The following PPP6R3 variants were observed in gnomAD, a reference collection of about 807,000 sequenced individuals.
PPP6R3 encodes the protein serine/threonine-protein phosphatase 6 regulatory subunit 3.
Under a neutral mutation model 110.7 loss-of-function variants are expected in PPP6R3, and 38 were observed. The observed-to-expected ratio is 0.34, with a 90% CI of 0.26 to 0.45. The LOEUF (loss-of-function observed/expected upper bound fraction) is 0.45, where lower values mean the gene tolerates loss of function less well. Among genes scored for constraint, PPP6R3 ranks in the 20% least tolerant of loss-of-function variants. The pLI is 1.00. For synonymous variants in PPP6R3, 369 were observed against 373.5 expected (o/e 0.99, Z 0.14); for missense variants, 870 against 1,062.4 (o/e 0.82, Z 2.52).
At chr11:68,570,493 T>C (rs947216753) in intron 11 of PPP6R3, among the ~76,000 whole-genome samples, 1 of 152,180 alleles carries the variant, frequency 6.6e-6, no homozygotes, top group African/African-American at 2.4e-5. Context: ...GAAAGACAAA[T>C]GACACCTGAG....
intron 1 of PPP6R3, among the ~76,000 whole-genome samples, chr11:68,463,873 AC>A (rs1272195407): frequency 6.6e-6 from 1 of 152,014 alleles, no homozygotes; most frequent in African/African-American, 2.4e-5. Context: ...TGCTTGTTAC[AC>A]CTCTGGGAGT....
intron 6 of PPP6R3, 53 bp downstream of exon 6, chr11:68,551,239 T>C (rs1372939507): frequency 2.2e-6 from 3 of 1,355,288 alleles, no homozygotes; most frequent in Non-Finnish European, 3.1e-6. Flanking sequence ...AACAAAAAAC[T>C]GTTTATTGGG....
At chr11:68,557,440 G>C (rs897300244) in intron 7 of PPP6R3, among the ~76,000 whole-genome samples, 2 of 152,200 alleles carry the variant, frequency 1.3e-5, no homozygotes. Context: ...TGAGGTGTCA[G>C]GTGAGCAACC....
chr11:68,563,069 G>T (rs528391266), intron 8 of PPP6R3, among the ~76,000 whole-genome samples: 7 of 151,660 alleles, frequency 4.6e-5, no homozygotes, highest in Admixed American at 6.6e-5. Context: ...GGAGGCTGAG[G>T]GGGGAGGATC....
intron 1 of PPP6R3, among the ~76,000 whole-genome samples, chr11:68,479,175 G>A (rs926223118): frequency 4.6e-5 from 7 of 152,118 alleles, no homozygotes; most frequent in African/African-American, 1.7e-4. Flanking sequence ...GGGATATGGC[G>A]TACCATTAAT....
chr11:68,600,635 C>A, intron 20 of PPP6R3, 141 bp downstream of exon 20: 1 of 901,124 alleles, frequency 1.1e-6, no homozygotes, highest in Non-Finnish European at 1.6e-6. Context: ...CATCAGCATA[C>A]TAACACAGCT....
chr11:68,498,341 C>G (rs2099030237), intron 1 of PPP6R3, among the ~76,000 whole-genome samples: 1 of 152,186 alleles, frequency 6.6e-6, no homozygotes, highest in African/African-American at 2.4e-5. Context: ...CAAGGCCAGT[C>G]TTGTCCCACT....
At chr11:68,511,773 G>A (rs1208398220) in intron 1 of PPP6R3, among the ~76,000 whole-genome samples, 5 of 146,448 alleles carry the variant, frequency 3.4e-5, no homozygotes, top group African/African-American at 7.7e-5. Context: ...GAGCCACTGC[G>A]CCCAGCCGTG....
intron 13 of PPP6R3, 35 bp from the exon 14 acceptor site, chr11:68,575,923 G>A (rs1593424225): frequency 1.4e-6 from 2 of 1,473,770 alleles, no homozygotes; most frequent in Non-Finnish European, 1.9e-6. Flanking sequence ...AGGTCATTGT[G>A]GTGATAATGC....
intron 1 of PPP6R3, among the ~76,000 whole-genome samples, chr11:68,480,739 T>C (rs1410684359): frequency 6.6e-6 from 1 of 152,352 alleles, no homozygotes; most frequent in African/African-American, 2.4e-5. Flanking sequence ...GTGTTTTGAA[T>C]AAGCGTCAGC....
chr11:68,498,664 C>T (rs1439313946), intron 1 of PPP6R3, among the ~76,000 whole-genome samples: 3 of 152,274 alleles, frequency 2.0e-5, no homozygotes, highest in Middle Eastern at 3.4e-3. Flanking sequence ...TCATTGCATA[C>T]AGTTGATTAT....
At chr11:68,610,401 C>G (rs1435672906) in intron 23 of PPP6R3, among the ~76,000 whole-genome samples, 1 of 152,306 alleles carries the variant, frequency 6.6e-6, no homozygotes, top group East Asian at 1.9e-4. Context: ...ATCCAGCCGC[C>G]AGGCACGAGC....
intron 8 of PPP6R3, among the ~76,000 whole-genome samples, chr11:68,562,726 A>G (rs1040438770): frequency 6.6e-6 from 1 of 152,232 alleles, no homozygotes; most frequent in African/African-American, 2.4e-5. Flanking sequence ...TTGGACTTTG[A>G]TATATATTTT....
At chr11:68,481,628 A>G (rs1388720988) in intron 1 of PPP6R3, among the ~76,000 whole-genome samples, 1 of 152,220 alleles carries the variant, frequency 6.6e-6, no homozygotes, top group African/African-American at 2.4e-5. Context: ...GTTTGTATCT[A>G]TCTCTAGAAG....
chr11:68,563,001 C>A (rs944727811), intron 8 of PPP6R3, among the ~76,000 whole-genome samples: 1 of 151,648 alleles, frequency 6.6e-6, no homozygotes, highest in African/African-American at 2.4e-5. Flanking sequence ...AAAAGACTTA[C>A]ATCCAGGTAT....
chr11:68,510,075 T>TG (rs11438524), intron 1 of PPP6R3, among the ~76,000 whole-genome samples: 3 of 141,660 alleles, frequency 2.1e-5, no homozygotes, highest in African/African-American at 5.3e-5. Context: ...TTTTTTTTTT[T>TG]GATAAGTTTT....
At chr11:68,608,777 C>T (rs1941781324) in intron 22 of PPP6R3, among the ~76,000 whole-genome samples, 1 of 152,112 alleles carries the variant, frequency 6.6e-6, no homozygotes, top group African/African-American at 2.4e-5. Flanking sequence ...TGAATCCATC[C>T]CAGTTAGCGA....
At chr11:68,589,970 AC>A (rs1475636343) in intron 16 of PPP6R3, among the ~76,000 whole-genome samples, 1 of 152,128 alleles carries the variant, frequency 6.6e-6, no homozygotes, top group Non-Finnish European at 1.5e-5. Context: ...AGGATCCACC[AC>A]CTCACACCAG....
chr11:68,588,087 T>G, intron 16 of PPP6R3, 63 bp downstream of exon 16: 2 of 1,390,946 alleles, frequency 1.4e-6, no homozygotes, highest in Non-Finnish European at 2.0e-6. Flanking sequence ...TAGATGTATG[T>G]GTGATTCTGC....
Sources: allele counts gnomAD v4.1 joint callset (sites outside exome capture counted in the v4.1 genomes callset), GRCh38; gene constraint gnomAD v4.1.1; transcripts MANE v1.5; gene names NCBI Gene and HGNC (gene_info 2026-07-23, HGNC 2026-07-21).